BCAS1: variants seen among roughly 807,000 people sequenced by gnomAD.
BCAS1 encodes the protein brain enriched myelin associated protein 1, also known as breast carcinoma-amplified sequence 1.
In BCAS1, 46 loss-of-function variants were observed where a neutral mutation model predicts 65.4. The observed-to-expected ratio is 0.70, with a 90% CI of 0.55 to 0.90. The LOEUF (loss-of-function observed/expected upper bound fraction) is 0.90. BCAS1 is among the 40% of genes least tolerant of loss of function. The pLI, the probability that BCAS1 is intolerant of heterozygous loss-of-function variation, is 0.00. For synonymous variants in BCAS1, 298 were observed against 293.5 expected (o/e 1.02, Z -0.16); for missense variants, 793 against 771.2 (o/e 1.03, Z -0.33).
chr20:54,064,524 C>T (rs1023493078), intron 1 of BCAS1, among the ~76,000 whole-genome samples: 9 of 152,222 alleles, frequency 5.9e-5, no homozygotes, highest in African/African-American at 2.2e-4. Flanking sequence ...TCCTGGGCCT[C>T]CAGCTTCCCT....
intron 6 of BCAS1, among the ~76,000 whole-genome samples, chr20:53,993,217 C>T (rs2090809646): frequency 6.6e-6 from 1 of 152,184 alleles, no homozygotes; most frequent in African/African-American, 2.4e-5. Flanking sequence ...AACCAATCCA[C>T]TGAGGCAAAG....
At position 53,957,516 on chromosome 20, in the gene BCAS1, A is replaced by T; in HGVS notation, c.1486-19T>A. 6.2e-7 allele frequency: 1 copy of T among 1,609,540 alleles called. No individual in the cohort carries two copies. The highest frequency in any genetic ancestry group is 8.5e-7 in the Non-Finnish European group (1 of 1,175,812). ...TCACTGACTAAAATAACAAACAGAC[A>T]ATGGCCTTCAGCCACAAGTACAGTG... On this transcript the variant is annotated intron_variant, in intron 10 of 12. Coordinates refer to ENST00000688948, the MANE Select transcript of BCAS1 (RefSeq NM_001366298.2).
intron 10 of BCAS1, among the ~76,000 whole-genome samples, chr20:53,966,270 A>C (rs2090023217): frequency 6.6e-6 from 1 of 152,262 alleles, no homozygotes; most frequent in African/African-American, 2.4e-5. Context: ...AATGTGGCTT[A>C]TGTACACCAT....
Position 54,028,680 on chromosome 20 carries a change from T to A in BCAS1, c.435A>T (p.Gly145=), listed in dbSNP as rs549457924. The change falls in exon 4 of 13, where the codon GGA becomes GGT. Residue 145 remains glycine (G), a synonymous_variant. Transcript: ENST00000688948. ...GGGTTTTATCTGTGTCCTGCCCCGG[T>A]CCAGCTGCCACCGGAAGTGTCCAGC... The part of the protein sequence containing the change: ...SESWTLPVAA[G]PGQDTDKTPG... 1.2e-6 allele frequency: 2 copies of A among 1,614,178 alleles called. No homozygotes were observed. The highest frequency in any genetic ancestry group is 3.3e-5 in the Admixed American group (2 of 60,024).
chr20:54,031,471 G>GAT (rs1355137026), intron 3 of BCAS1, among the ~76,000 whole-genome samples: 7 of 151,128 alleles, frequency 4.6e-5, no homozygotes, highest in Non-Finnish European at 1.0e-4. Flanking sequence ...CCATCACCTG[G>GAT]GGCTTCTATT....
In BCAS1 at chr20:53,990,562, C is replaced by T. The variant is rs1035854369; in HGVS notation, c.1062+1950G>A. Among the ~76,000 whole-genome samples, 8 of 152,098 alleles carry T rather than the reference C, an allele frequency of 5.3e-5. 1 individual carries two copies. The South Asian group carries it at 6.2e-4, about 12-fold the overall frequency. On this transcript the variant is annotated intron_variant, in intron 7 of 12. Transcript: ENST00000688948. ...TATCCTTCAATTTGCTTGAATTTCT[C>T]GTTTTCTTTTCCAGGTGACAAACCC...
At chr20:53,997,214 A>C (rs536714441) in intron 4 of BCAS1, among the ~76,000 whole-genome samples, 2 of 152,360 alleles carry the variant, frequency 1.3e-5, no homozygotes, top group South Asian at 4.1e-4. Flanking sequence ...AACTCGACAA[A>C]GACAGGGATA....
intron 8 of BCAS1, among the ~76,000 whole-genome samples, chr20:53,984,933 G>A (rs2042060030): frequency 6.6e-6 from 1 of 152,204 alleles, no homozygotes; most frequent in Admixed American, 6.5e-5. Flanking sequence ...TCTTGCCAGA[G>A]TAAGAGTGCT....
At chr20:53,995,180 T>C (rs2090873702) in intron 5 of BCAS1, 124 bp from the exon 6 acceptor site, 2 of 774,030 alleles carry the variant, frequency 2.6e-6, no homozygotes, top group South Asian at 1.8e-5. Flanking sequence ...AAATGAGAAG[T>C]ATTTTTAGTT....
At chr20:54,049,685 C>T (rs1234434036) in intron 3 of BCAS1, among the ~76,000 whole-genome samples, 8 of 151,956 alleles carry the variant, frequency 5.3e-5, no homozygotes, top group African/African-American at 1.2e-4. Flanking sequence ...GGATTTTAGG[C>T]GTGAGCCACT....
chr20:54,011,063 C>A (rs1310555774), intron 4 of BCAS1, among the ~76,000 whole-genome samples: 2 of 152,066 alleles, frequency 1.3e-5, no homozygotes, highest in Non-Finnish European at 2.9e-5. Flanking sequence ...AGTCTCACAT[C>A]TTATATAAAA....
intron 7 of BCAS1, among the ~76,000 whole-genome samples, chr20:53,988,330 G>A (rs560447106): frequency 2.6e-5 from 4 of 152,084 alleles, no homozygotes; most frequent in South Asian, 2.1e-4. Flanking sequence ...CGTTTTCACC[G>A]CTCAGCCACC....
rs1272498393 is a variant in BCAS1 at position 54,058,015 on chromosome 20, AC to A, written c.142+69del. 14 of 1,057,758 alleles carry A rather than the reference AC, an allele frequency of 1.3e-5. No homozygotes were observed. In the African/African-American group the frequency reaches 1.8e-4, roughly 13 times the overall value. The allele number at this position is 1,057,758 out of a possible 1,614,324, so 65.5% of individuals were successfully genotyped here. A position where few individuals can be genotyped will look rare whatever the true frequency, so the allele number is the denominator to read the frequency against. The stretch of plus-strand genomic sequence containing the variant: ...ACCCTTTCATTTTTTTTTTTTTTTC[AC>A]CGTAAACAGCATCTGCAGACCCCCC... On this transcript the variant is annotated intron_variant, in intron 3 of 12. Transcript: ENST00000688948.
At chr20:53,948,378 G>A (rs922359785) in intron 12 of BCAS1, among the ~76,000 whole-genome samples, 3 of 152,172 alleles carry the variant, frequency 2.0e-5, no homozygotes, top group Admixed American at 6.5e-5. Context: ...TTAGATGCTG[G>A]CATTTAAAAA....
chr20:54,031,454 C>T (rs1568899519), intron 3 of BCAS1, among the ~76,000 whole-genome samples: 1 of 151,382 alleles, frequency 6.6e-6, no homozygotes, highest in South Asian at 2.1e-4. Flanking sequence ...TGGGTACATA[C>T]CCAAGTCCAT....
intron 4 of BCAS1, among the ~76,000 whole-genome samples, chr20:54,027,972 G>T (rs2091711678): frequency 6.6e-6 from 1 of 152,124 alleles, no homozygotes; most frequent in Admixed American, 6.5e-5. Context: ...TAACAGTAAG[G>T]GACGAAATGT....
intron 3 of BCAS1, among the ~76,000 whole-genome samples, chr20:54,041,650 G>A (rs2091995343): frequency 6.6e-6 from 1 of 152,170 alleles, no homozygotes; most frequent in African/African-American, 2.4e-5. Context: ...TTGGGAGGCC[G>A]AGGTGGGCAA....
intron 9 of BCAS1, among the ~76,000 whole-genome samples, chr20:53,974,593 C>G (rs1472812151): frequency 6.6e-6 from 1 of 152,200 alleles, no homozygotes; most frequent in Non-Finnish European, 1.5e-5. Context: ...ACACCCAGAA[C>G]AAGTTTTGCT....
chr20:53,967,327 C>T (rs2090061164), intron 9 of BCAS1, among the ~76,000 whole-genome samples: 1 of 152,016 alleles, frequency 6.6e-6, no homozygotes, highest in South Asian at 2.1e-4. Flanking sequence ...GATAAGAGGT[C>T]CTTTTTGGGG....
Sources: allele counts gnomAD v4.1 joint callset (sites outside exome capture counted in the v4.1 genomes callset), GRCh38; gene constraint gnomAD v4.1.1; transcripts MANE v1.5; gene names NCBI Gene and HGNC (gene_info 2026-07-23, HGNC 2026-07-21).